TAMALIN: variants seen among roughly 807,000 people sequenced by gnomAD.
TAMALIN encodes trafficking regulator and scaffold protein tamalin, also known as protein TAMALIN.
TAMALIN carries 9 observed loss-of-function variants against 38.5 expected under a neutral mutation model. The ratio of observed to expected loss-of-function variants is 0.23; its 90% CI spans 0.14 to 0.41. The LOEUF is 0.41. Among genes scored for constraint, TAMALIN ranks in the 10% least tolerant of loss-of-function variants. The pLI is 1.00. For missense variants in TAMALIN, 548 were observed against 554.1 expected, an observed-to-expected ratio of 0.99 and a Z score of 0.11; for synonymous variants, 306 against 256.5, an observed-to-expected ratio of 1.19 and a Z score of -1.85.
rs201792271 is a variant in TAMALIN, at chr12:52,013,731, C to T, written c.499C>T (p.Arg167Trp). Residue 167 changes from arginine to tryptophan, a missense_variant, in exon 5 of 8, where the codon CGG (arginine) becomes TGG (tryptophan). Transcript: ENST00000293662. ...CAATGGCCTGAATGTGGAAGGCATC[C>T]GGCATCGAGAGATTGTGGACATCAT... is the stretch of plus-strand genomic sequence containing the variant. ...SVNGLNVEGI[R>W]HREIVDIIKA... 28 of 1,614,102 alleles carry T rather than the reference C, an allele frequency of 1.7e-5. No homozygotes were observed. The highest frequency in any genetic ancestry group is 4.0e-5 in the African/African-American group (3 of 75,014).
chr12:52,008,191 T>G (rs1415496883), intron 1 of TAMALIN: 1 of 985,362 alleles, frequency 1.0e-6, no homozygotes, highest in African/African-American at 1.7e-5. Context: ...GAGGCCAATC[T>G]GGTTCTGAAC....
chr12:52,014,801 G>C lies in TAMALIN; in HGVS notation c.790G>C (p.Ala264Pro). The change falls in exon 8 of 8, where the codon GCC becomes CCC. Residue 264 changes from alanine to proline, a missense_variant. Transcript: ENST00000293662. The stretch of plus-strand genomic sequence containing the variant: ...CTCGCTGCCCTTCGGGCCTCTGCTC[G>C]CCGTGCCCGGGCGTCCCCGCGGAGG... Reference protein sequence around the residue: ...PGSLPFGPLLAVPGRPRGGAR... With the variant: ...PGSLPFGPLLPVPGRPRGGAR... 7.2e-7 allele frequency: 1 copy of C among 1,396,826 alleles called. No homozygotes were observed. Among genetic ancestry groups the C allele is most frequent in the Non-Finnish European group, 9.2e-7 (1 of 1,081,090 alleles). 86.5% of individuals were successfully genotyped at this position (1,396,826 alleles called of 1,614,324 possible). A position where few individuals can be genotyped will look rare whatever the true frequency, so the allele number is the denominator to read the frequency against.
In TAMALIN at chr12:52,007,058, G is replaced by A. The variant is rs1326904843; in HGVS notation, c.39G>A (p.Glu13=). 2 of 1,458,272 alleles carry A rather than the reference G, an allele frequency of 1.4e-6. No homozygotes were observed. Among genetic ancestry groups the A allele is most frequent in the Admixed American group, 2.6e-5 (1 of 37,834 alleles). 90.3% of individuals were successfully genotyped at this position (1,458,272 alleles called of 1,614,324 possible). A position where few individuals can be genotyped will look rare whatever the true frequency, so the allele number is the denominator to read the frequency against. The change falls in exon 1 of 8, where the codon GAG becomes GAA. Residue 13 remains glutamate (E), a synonymous_variant. Coordinates refer to ENST00000293662, the MANE Select transcript of TAMALIN (RefSeq NM_181711.4). The surrounding 1 kb of genome is among the most constrained non-coding windows in gnomAD (Gnocchi z 6.7). The part of the protein sequence containing the change: ...LRRLRKLQQK[E]EAAATPDPAA... ...GACTCAGGAAGCTGCAGCAGAAGGA[G>A]GAGGCGGCGGCCACCCCGGACCCCG...
chr12:52,006,952 C>T lies in TAMALIN; in HGVS notation c.-68C>T. The T allele has an allele frequency of 7.8e-7, 1 of 1,285,916 alleles. No individual in the cohort carries two copies. The highest frequency in any genetic ancestry group is 9.8e-7 in the Non-Finnish European group (1 of 1,016,398). 79.7% of individuals were successfully genotyped at this position (1,285,916 alleles called of 1,614,324 possible). On this transcript the variant is annotated 5_prime_UTR_variant, in exon 1 of 8. Coordinates refer to ENST00000293662, the MANE Select transcript of TAMALIN (RefSeq NM_181711.4). ...ACCCGCGGCCCGCCCGGCTGGCATC[C>T]CCCAGCCGCCGCCAGCCCCGCCGAG...
chr12:52,013,955 T>G lies in TAMALIN; in HGVS notation c.615+12T>G, dbSNP rs762407788. On this transcript the variant is annotated intron_variant, in intron 6 of 7. Transcript: ENST00000293662. ...TGCAGTACCTGAAGGTAGGGGAACC[T>G]AGATAACGTCCAGCCTCCACCCTCC... The G allele has an allele frequency of 6.8e-6, 11 of 1,613,534 alleles. No homozygotes were observed. In the Admixed American group the frequency reaches 1.8e-4, roughly 27 times the overall value.
intron 2 of TAMALIN, chr12:52,010,622 T>A (rs1176440957): frequency 8.5e-7 from 1 of 1,171,242 alleles, no homozygotes; most frequent in East Asian, 4.0e-5. Context: ...CTCAGCCGGC[T>A]CATCCTTCAG....
At position 52,014,803 on chromosome 12, in the gene TAMALIN, C is replaced by A. The variant is rs765464266; in HGVS notation, c.792C>A (p.Ala264=). 2.9e-6 allele frequency: 4 copies of A among 1,376,846 alleles called. No homozygotes were observed. Among genetic ancestry groups the A allele is most frequent in the Non-Finnish European group, 3.7e-6 (4 of 1,070,396 alleles). 85.3% of individuals were successfully genotyped at this position (1,376,846 alleles called of 1,614,324 possible). A position where few individuals can be genotyped will look rare whatever the true frequency, so the allele number is the denominator to read the frequency against. ...CGCTGCCCTTCGGGCCTCTGCTCGC[C>A]GTGCCCGGGCGTCCCCGCGGAGGCG... ...PGSLPFGPLL[A]VPGRPRGGAR... The change falls in exon 8 of 8, where the codon GCC becomes GCA. Residue 264 remains alanine (A), a synonymous_variant. Coordinates refer to ENST00000293662, the MANE Select transcript of TAMALIN (RefSeq NM_181711.4).
Position 52,009,869 on chromosome 12 carries a change from C to T in TAMALIN, c.296+630C>T, listed in dbSNP as rs11615003. The stretch of plus-strand genomic sequence containing the variant: ...TGCTAGCCAGATTGGCCTGTTTGGC[C>T]CTTGAGCTAATAATTTTTAAAGAGT... On this transcript the variant is annotated intron_variant, in intron 2 of 7. Coordinates refer to ENST00000293662, the MANE Select transcript of TAMALIN (RefSeq NM_181711.4). Among the ~76,000 whole-genome samples the T allele has an allele frequency of 9.3e-4, 141 of 152,300 alleles. 1 individual carries two copies. Among genetic ancestry groups the T allele is most frequent in the Non-Finnish European group, 1.4e-3 (95 of 68,036 alleles).
At position 52,007,950 on chromosome 12, in the gene TAMALIN, G is replaced by T; in HGVS notation, c.246+685G>T. 1 of 985,390 alleles carries T rather than the reference G, an allele frequency of 1.0e-6. No individual in the cohort carries two copies. Among genetic ancestry groups the T allele is most frequent in the Non-Finnish European group, 1.2e-6 (1 of 829,910 alleles). 61.0% of individuals were successfully genotyped at this position (985,390 alleles called of 1,614,324 possible). On this transcript the variant is annotated intron_variant, in intron 1 of 7. Transcript: ENST00000293662. The surrounding 1 kb of genome is among the most constrained non-coding windows in gnomAD (Gnocchi z 6.7). ...TCCCCTCTGCCAGCCTCTTCCTCTG[G>T]CCCCAGGAGACCTGAGGCTCAGAAC...
Position 52,013,745 on chromosome 12 carries a change from T to A in TAMALIN, c.513T>A (p.Ile171=), listed in dbSNP as rs779043467. 18 of 1,614,000 alleles carry A rather than the reference T, an allele frequency of 1.1e-5. No homozygotes were observed. In the South Asian group the frequency reaches 2.0e-4, roughly 18 times the overall value. ...TGGAAGGCATCCGGCATCGAGAGAT[T>A]GTGGACATCATTAAGGCGTCAGGCA... is the stretch of plus-strand genomic sequence containing the variant. ...LNVEGIRHRE[I]VDIIKASGNV... is the part of the protein sequence containing the mutation. Residue 171 remains isoleucine, a synonymous_variant, in exon 5 of 8, where the codon ATT becomes ATA. Coordinates refer to ENST00000293662, the MANE Select transcript of TAMALIN (RefSeq NM_181711.4).
In TAMALIN at chr12:52,007,086, G is replaced by T. The variant is rs997451258; in HGVS notation, c.67G>T (p.Ala23Ser). ...GGCGGCGGCCACCCCGGACCCCGCC[G>T]CCCGGACTCCCGACTCGGAAGTCGC... is the stretch of plus-strand genomic sequence containing the variant. ...EEAAATPDPA[A>S]RTPDSEVAPA... The change falls in exon 1 of 8, where the codon GCC (alanine) becomes TCC (serine). Residue 23 changes from alanine to serine, a missense_variant. Physicochemically the swap from Ala to Ser is moderately conservative, Grantham distance 99. This residue lies in a region of TAMALIN where 128 missense variants were observed against 117.9 expected (regional missense o/e 1.09). Coordinates refer to ENST00000293662, the MANE Select transcript of TAMALIN (RefSeq NM_181711.4). This position sits in a 1 kb window ranked among gnomAD's most constrained non-coding sequence, Gnocchi z 6.7. 4.7e-6 allele frequency: 7 copies of T among 1,477,572 alleles called. No individual in the cohort carries two copies. The highest frequency in any genetic ancestry group is 6.2e-6 in the Non-Finnish European group (7 of 1,121,774). 91.5% of individuals were successfully genotyped at this position (1,477,572 alleles called of 1,614,324 possible).
chr12:52,007,038 A>G lies in TAMALIN; in HGVS notation c.19A>G (p.Arg7Gly), dbSNP rs747064124. MTLRRL[R>G]KLQQKEEAAA... ...CGGAGCCATGACCCTCCGCCGACTC[A>G]GGAAGCTGCAGCAGAAGGAGGAGGC... Residue 7 changes from arginine to glycine, a missense_variant, in exon 1 of 8, where the codon AGG becomes GGG. Coordinates refer to ENST00000293662, the MANE Select transcript of TAMALIN (RefSeq NM_181711.4). This position sits in a 1 kb window ranked among gnomAD's most constrained non-coding sequence, Gnocchi z 6.7. 266 of 1,444,236 alleles carry G rather than the reference A, an allele frequency of 1.8e-4. No individual in the cohort carries two copies. The highest frequency in any genetic ancestry group is 2.3e-4 in the Non-Finnish European group (256 of 1,106,424). The allele number at this position is 1,444,236 out of a possible 1,614,324, so 89.5% of individuals were successfully genotyped here. A position where few individuals can be genotyped will look rare whatever the true frequency, so the allele number is the denominator to read the frequency against.
At chr12:52,010,173 C>A (rs113523186) in intron 2 of TAMALIN, among the ~76,000 whole-genome samples, 1 of 152,154 alleles carries the variant, frequency 6.6e-6, no homozygotes, top group Non-Finnish European at 1.5e-5. Context: ...AGGCTGGAAG[C>A]GGAGAAGCCT....
At chr12:52,013,071 ACTT>A (rs1235642758) in intron 4 of TAMALIN, among the ~76,000 whole-genome samples, 18 of 141,906 alleles carry the variant, frequency 1.3e-4, no homozygotes, top group East Asian at 4.0e-4. Flanking sequence ...TTGGGACAGA[ACTT>A]CTTTTTTTTT....
rs1937786877 is a variant in TAMALIN, at chr12:52,015,400, A to G, written c.*201A>G. The G allele has an allele frequency of 1.7e-6, 1 of 586,526 alleles. No individual in the cohort carries two copies. Among genetic ancestry groups the G allele is most frequent in the South Asian group, 2.2e-5 (1 of 45,738 alleles). The allele number at this position is 586,526 out of a possible 1,614,324, so 36.3% of individuals were successfully genotyped here. On this transcript the variant is annotated 3_prime_UTR_variant, in exon 8 of 8. Transcript: ENST00000293662. ...AGCCCCTTCTCTTCTCCCCCGCCAAACCACAGTGGGAGCTGGGGCAGGGGG... is the reference window on the plus strand; with the variant it reads ...AGCCCCTTCTCTTCTCCCCCGCCAAGCCACAGTGGGAGCTGGGGCAGGGGG...
Position 52,007,201 on chromosome 12 carries a change from A to T in TAMALIN, c.182A>T (p.Asp61Val). ...PADELYAALE[D>V]YHPAELYRAL... ...GACGAGCTGTACGCGGCGCTGGAGG[A>T]CTATCACCCTGCCGAGCTGTACCGC... Residue 61 changes from aspartate (D) to valine (V), a missense_variant, in exon 1 of 8, where the codon GAC (aspartate) becomes GTC (valine). This residue lies in a region of TAMALIN where 128 missense variants were observed against 117.9 expected (regional missense o/e 1.09). Transcript: ENST00000293662. This position sits in a 1 kb window ranked among gnomAD's most constrained non-coding sequence, Gnocchi z 6.7. 1 of 1,521,516 alleles carries T rather than the reference A, an allele frequency of 6.6e-7. No individual in the cohort carries two copies. The highest frequency in any genetic ancestry group is 1.4e-5 in the African/African-American group (1 of 69,138). The allele number at this position is 1,521,516 out of a possible 1,614,324, so 94.3% of individuals were successfully genotyped here.
In TAMALIN at chr12:52,013,900, C is replaced by T; in HGVS notation, c.572C>T (p.Ser191Leu). 1.2e-6 allele frequency: 2 copies of T among 1,614,138 alleles called. No homozygotes were observed. Among genetic ancestry groups the T allele is most frequent in the Non-Finnish European group, 1.7e-6 (2 of 1,180,020 alleles). ...AGACTGGAAACTCTATATGGGACAT[C>T]AATTCGGAAGGCAGAACTGGAGGCT... is the stretch of plus-strand genomic sequence containing the variant. Reference protein sequence around the residue: ...VLRLETLYGTSIRKAELEARL... With the variant: ...VLRLETLYGTLIRKAELEARL... The change falls in exon 6 of 8, where the codon TCA becomes TTA. Residue 191 changes from serine (S) to leucine (L), a missense_variant. Ser to Leu is a moderately radical substitution (Grantham distance 145). Transcript: ENST00000293662.
Position 52,014,211 on chromosome 12 carries a change from T to C in TAMALIN, c.682+10T>C. Reference sequence around the variant, plus strand: ...CAGCGGCTGGTGCATGGTGAGTAGATCCCGGGGTGTGAGGGGCCACTTGTT... The same window carrying C: ...CAGCGGCTGGTGCATGGTGAGTAGACCCCGGGGTGTGAGGGGCCACTTGTT... On this transcript the variant is annotated intron_variant, in intron 7 of 7. Transcript: ENST00000293662. 6.3e-7 allele frequency: 1 copy of C among 1,590,332 alleles called. No individual in the cohort carries two copies.
intron 4 of TAMALIN, chr12:52,013,357 G>C (rs373594952): frequency 7.6e-6 from 2 of 264,894 alleles, no homozygotes; most frequent in Non-Finnish European, 1.5e-5. Context: ...GATTACAGGC[G>C]TGAGCCACCG....
Sources: allele counts gnomAD v4.1 joint callset (sites outside exome capture counted in the v4.1 genomes callset), GRCh38; gene constraint gnomAD v4.1.1; regional missense constraint gnomAD v4.1.1; non-coding constraint Gnocchi (gnomAD v3.1); transcripts MANE v1.5; gene names NCBI Gene and HGNC (gene_info 2026-07-23, HGNC 2026-07-21).